The following PACS2 variants were observed in gnomAD, a reference collection of about 807,000 sequenced individuals.
PACS2 encodes the protein phosphofurin acidic cluster sorting protein 2.
Under a neutral mutation model 113.0 loss-of-function variants are expected in PACS2, and 36 were observed. The observed-to-expected ratio is 0.32, with a 90% CI of 0.24 to 0.42. PACS2 has a LOEUF of 0.42. Among genes scored for constraint, PACS2 ranks in the 10% least tolerant of loss-of-function variants. The pLI is 1.00. For missense variants in PACS2, 1,015 were observed against 1,239.5 expected (o/e 0.82, Z 2.72); for synonymous variants, 589 against 536.1 (o/e 1.10, Z -1.36).
At chr14:105,344,283 TTTAA>T (rs1273728005) in intron 1 of PACS2, among the ~76,000 whole-genome samples, 22 of 151,838 alleles carry the variant, frequency 1.4e-4, no homozygotes, top group African/African-American at 4.6e-4. Flanking sequence ...TTTTGGAAGA[TTTAA>T]TTAATTAATT....
At chr14:105,391,272 C>G (rs1456720696) in intron 21 of PACS2, 23 bp downstream of exon 21, 1 of 1,592,572 alleles carries the variant, frequency 6.3e-7, no homozygotes, top group Admixed American at 1.7e-5. Context: ...CACCCTGAGG[C>G]CTTGTGAGTG....
rs1555416979 is a variant in PACS2, at chr14:105,396,851, G to A, written c.*2179G>A. 1 of 152,260 alleles carries A rather than the reference G, an allele frequency of 6.6e-6. No individual in the cohort carries two copies. The highest frequency in any genetic ancestry group is 2.4e-5 in the African/African-American group (1 of 41,454). 9.4% of individuals were successfully genotyped at this position (152,260 alleles called of 1,614,324 possible). A position where few individuals can be genotyped will look rare whatever the true frequency, so the allele number is the denominator to read the frequency against. ...GGGTCACACTCAGTAGGGAGATGAA[G>A]GTGGAAACATCCTTGCTGTGGCTTT... On this transcript the variant is annotated 3_prime_UTR_variant, in exon 25 of 25. Transcript: ENST00000447393.
chr14:105,310,365 A>C (rs766763077), upstream of PACS2, among the ~76,000 whole-genome samples: 195 of 151,440 alleles, frequency 1.3e-3, 1 homozygote, highest in Non-Finnish European at 1.3e-4. Context: ...CCCGTCTCTA[A>C]TAAAAATACA....
intron 2 of PACS2, among the ~76,000 whole-genome samples, chr14:105,350,784 G>A (rs782043270): frequency 1.3e-5 from 2 of 152,236 alleles, no homozygotes; most frequent in African/African-American, 2.4e-5. Context: ...AGAGGGACCC[G>A]ACGCAGAGCA....
intron 1 of PACS2, chr14:105,301,090 C>T (rs2058001935): frequency 6.6e-6 from 1 of 152,218 alleles, no homozygotes; most frequent in African/African-American, 2.4e-5. Context: ...GGGACTAGAG[C>T]TAAGGGTGGG....
intron 1 of PACS2, among the ~76,000 whole-genome samples, chr14:105,344,457 C>G (rs1348345377): frequency 6.6e-6 from 1 of 152,050 alleles, no homozygotes; most frequent in South Asian, 2.1e-4. Context: ...AGTTGTAGGA[C>G]TATACCAGCT....
chr14:105,330,961 A>ATT lies in PACS2; in HGVS notation c.119+15937_119+15938dup, dbSNP rs113338768. Among the ~76,000 whole-genome samples, 13 of 142,432 alleles carry ATT rather than the reference A, an allele frequency of 9.1e-5. No homozygotes were observed. Among genetic ancestry groups the ATT allele is most frequent in the South Asian group, 6.7e-4 (3 of 4,476 alleles). 93.4% of individuals were successfully genotyped at this position (142,432 alleles called of 152,430 possible). On this transcript the variant is annotated intron_variant, in intron 1 of 24. Coordinates refer to ENST00000447393, the MANE Select transcript of PACS2 (RefSeq NM_001100913.3). This position sits in a 1 kb window ranked among gnomAD's most constrained non-coding sequence, Gnocchi z 6.9. ...GGCTTTGTTGGATGCTGGGGTTGGCATTTTTTTTTTTTTTGAGACAGAGTC... is the reference window on the plus strand; with the variant it reads ...GGCTTTGTTGGATGCTGGGGTTGGCATTTTTTTTTTTTTTTTGAGACAGAGTC...
Position 105,376,717 on chromosome 14 carries a change from G to C in PACS2, c.802-51G>C, listed in dbSNP as rs782790772. 1.3e-6 allele frequency: 2 copies of C among 1,586,794 alleles called. No individual in the cohort carries two copies. Among genetic ancestry groups the C allele is most frequent in the South Asian group, 1.1e-5 (1 of 89,452 alleles). ...TCTGGGGTCTCGGGCGCCCCCAGTG[G>C]GGCAATGTGGGCTGCTGCAGGGAAC... On this transcript the variant is annotated intron_variant, in intron 8 of 24. Transcript: ENST00000447393. The surrounding 1 kb of genome is among the most constrained non-coding windows in gnomAD (Gnocchi z 4.7).
rs370569057 is a variant in PACS2, at chr14:105,384,479, G to A, written c.1891+16G>A. Reference sequence around the variant, plus strand: ...CAGAGTGCGGGTGAGGCCCGGGCGCGTCCACAGCCCACGCCACGGCGGGAG... The same window carrying A: ...CAGAGTGCGGGTGAGGCCCGGGCGCATCCACAGCCCACGCCACGGCGGGAG... On this transcript the variant is annotated intron_variant, in intron 17 of 24. Coordinates refer to ENST00000447393, the MANE Select transcript of PACS2 (RefSeq NM_001100913.3). The A allele has an allele frequency of 6.3e-5, 98 of 1,546,504 alleles. No individual in the cohort carries two copies. Among genetic ancestry groups the A allele is most frequent in the Non-Finnish European group, 7.9e-5 (89 of 1,123,390 alleles).
At chr14:105,312,722 C>G (rs996792382), upstream of PACS2, among the ~76,000 whole-genome samples, 10 of 152,220 alleles carry the variant, frequency 6.6e-5, no homozygotes, top group Non-Finnish European at 1.5e-4. Context: ...AAAAGTTACT[C>G]TGATCACCCA....
At position 105,365,678 on chromosome 14, in the gene PACS2, G is replaced by A. The variant is rs1235017289; in HGVS notation, c.424-1535G>A. Among the ~76,000 whole-genome samples, 6 of 152,262 alleles carry A rather than the reference G, an allele frequency of 3.9e-5. No homozygotes were observed. Among genetic ancestry groups the A allele is most frequent in the African/African-American group, 1.4e-4 (6 of 41,572 alleles). On this transcript the variant is annotated intron_variant, in intron 4 of 24. Coordinates refer to ENST00000447393, the MANE Select transcript of PACS2 (RefSeq NM_001100913.3). The surrounding 1 kb of genome is among the most constrained non-coding windows in gnomAD (Gnocchi z 5.1). ...CTTGATTCCTCCGGGACCCCAGCCC[G>A]GCAGCCCCCTCCCCTCTGAGCTCAT...
Position 105,376,859 on chromosome 14 carries a change from C to A in PACS2, c.893C>A (p.Pro298His). The change falls in exon 9 of 25, where the codon CCC (proline) becomes CAC (histidine). Residue 298 changes from proline to histidine, a missense_variant. By Grantham distance (77) the Pro-to-His change is moderately conservative. Transcript: ENST00000447393. This position sits in a 1 kb window ranked among gnomAD's most constrained non-coding sequence, Gnocchi z 4.7. ...TATGACACCCTGGACATGGAGCACCCCAGCGACAGCGGCCCCGACATGGAG... is the reference window on the plus strand; with the variant it reads ...TATGACACCCTGGACATGGAGCACCACAGCGACAGCGGCCCCGACATGGAG... ...LLYDTLDMEH[P>H]SDSGPDMEDD... 1.2e-6 allele frequency: 2 copies of A among 1,613,158 alleles called. No homozygotes were observed. Among genetic ancestry groups the A allele is most frequent in the Non-Finnish European group, 1.7e-6 (2 of 1,179,860 alleles).
chr14:105,391,105 A>T, intron 20 of PACS2, 102 bp from the exon 21 acceptor site: 1 of 842,176 alleles, frequency 1.2e-6, no homozygotes, highest in Admixed American at 1.8e-5. Flanking sequence ...CTCCAGCATC[A>T]TGGGAGTGGT....
In PACS2 at chr14:105,392,829, G is replaced by A. The variant is rs1555415332; in HGVS notation, c.2466G>A (p.Lys822=). 6.2e-7 allele frequency: 1 copy of A among 1,604,122 alleles called. No individual in the cohort carries two copies. Among genetic ancestry groups the A allele is most frequent in the Non-Finnish European group, 8.5e-7 (1 of 1,179,434 alleles). The change falls in exon 23 of 25, where the codon AAG becomes AAA. Residue 822 remains lysine, a synonymous_variant. Transcript: ENST00000447393. ...CCATGTCCATGACCGTGGTCACCAA[G>A]GAGAAGAACAAGAAGGGTGAGGTGG... is the stretch of plus-strand genomic sequence containing the variant. ...TPTMSMTVVT[K]EKNKKVMFLP... is the part of the protein sequence containing the mutation.
intron 22 of PACS2, chr14:105,392,368 G>A: frequency 3.7e-6 from 2 of 543,900 alleles, no homozygotes. Flanking sequence ...GCAGCTTGGA[G>A]AGCAGGTGGA....
intron 4 of PACS2, among the ~76,000 whole-genome samples, chr14:105,359,300 CT>C (rs1241481732): frequency 0.011 from 1,609 of 141,240 alleles, 25 homozygotes; most frequent in African/African-American, 0.036. Context: ...TTTTACTGTG[CT>C]TTTTTTTTTT....
chr14:105,333,238 C>G (rs1441183720), intron 1 of PACS2, among the ~76,000 whole-genome samples: 1 of 152,250 alleles, frequency 6.6e-6, no homozygotes, highest in Non-Finnish European at 1.5e-5. Flanking sequence ...CTCTCTTCAC[C>G]TGACAGCTGG....
chr14:105,359,086 T>C (rs74580652), intron 4 of PACS2, among the ~76,000 whole-genome samples: 13,074 of 152,026 alleles, frequency 0.086, 1,926 homozygotes, highest in African/African-American at 0.3. Flanking sequence ...CACACGTCCA[T>C]CCCTACACGG....
upstream of PACS2, among the ~76,000 whole-genome samples, chr14:105,313,388 G>A (rs1385287854): frequency 6.6e-6 from 1 of 152,196 alleles, no homozygotes; most frequent in African/African-American, 2.4e-5. Context: ...CCCTCTGCCC[G>A]CCGAGCAGCT....
Sources: allele counts gnomAD v4.1 joint callset (sites outside exome capture counted in the v4.1 genomes callset), GRCh38; gene constraint gnomAD v4.1.1; non-coding constraint Gnocchi (gnomAD v3.1); transcripts MANE v1.5; gene names NCBI Gene and HGNC (gene_info 2026-07-23, HGNC 2026-07-21).